The following GON4L variants were observed in gnomAD, a reference collection of about 807,000 sequenced individuals.
The protein encoded by GON4L is gon-4 like.
Under a neutral mutation model 211.8 loss-of-function variants are expected in GON4L, and 87 were observed. That is an observed-to-expected ratio of 0.41 (90% CI 0.35 to 0.49). GON4L has a LOEUF of 0.49. GON4L is among the 20% of genes least tolerant of loss of function. GON4L has a pLI of 0.15. For missense variants in GON4L, 2,155 were observed against 2,659.5 expected, an observed-to-expected ratio of 0.81 and a Z score of 4.17; for synonymous variants, 875 against 962.6, an observed-to-expected ratio of 0.91 and a Z score of 1.68.
chr1:155,805,452 C>A (rs1667042772), intron 10 of GON4L, among the ~76,000 whole-genome samples: 1 of 152,106 alleles, frequency 6.6e-6, no homozygotes, highest in Admixed American at 6.6e-5. Context: ...ACAACCATCA[C>A]CATTATCTAA....
chr1:155,796,356 C>T (rs1666068798), intron 11 of GON4L, among the ~76,000 whole-genome samples: 1 of 151,430 alleles, frequency 6.6e-6, no homozygotes, highest in Non-Finnish European at 1.5e-5. Context: ...TGGCTCACTG[C>T]AAACTCTGCC....
At chr1:155,825,559 AAGACTCTGTCTCAAAAC>A (rs1225676033) in intron 3 of GON4L, among the ~76,000 whole-genome samples, 1 of 140,976 alleles carries the variant, frequency 7.1e-6, no homozygotes, top group East Asian at 2.2e-4. Context: ...GTGACAGAGC[AAGACTCTGTCTCAAAAC>A]AAAAAAAAAA....
intron 3 of GON4L, among the ~76,000 whole-genome samples, chr1:155,824,363 G>C (rs1326076343): frequency 1.3e-5 from 2 of 148,948 alleles, no homozygotes; most frequent in Non-Finnish European, 3.0e-5. Flanking sequence ...GAACCCAGGA[G>C]GAAGCGGTTG....
chr1:155,813,416 G>A (rs1667963344), intron 10 of GON4L, among the ~76,000 whole-genome samples: 1 of 151,760 alleles, frequency 6.6e-6, no homozygotes, highest in Admixed American at 6.6e-5. Flanking sequence ...TGGGTGACAG[G>A]GTGATACCCT....
At chr1:155,843,777 C>T (rs1217399121) in intron 2 of GON4L, among the ~76,000 whole-genome samples, 1 of 152,138 alleles carries the variant, frequency 6.6e-6, no homozygotes, top group African/African-American at 2.4e-5. Context: ...AAAACGAGGG[C>T]TACTCAATCA....
At chr1:155,816,401 G>T in intron 6 of GON4L, 139 bp from the exon 7 acceptor site, 1 of 576,134 alleles carries the variant, frequency 1.7e-6, no homozygotes, top group Non-Finnish European at 3.2e-6. Context: ...TTATCCCTGA[G>T]GGTATACTCT....
At chr1:155,836,197 C>G (rs1670277338) in intron 2 of GON4L, among the ~76,000 whole-genome samples, 1 of 151,584 alleles carries the variant, frequency 6.6e-6, no homozygotes, top group South Asian at 2.1e-4. Flanking sequence ...ATTTGGCCTC[C>G]ACGAAAAGAT....
chr1:155,768,533 C>T (rs995193758), intron 19 of GON4L, among the ~76,000 whole-genome samples: 3 of 151,002 alleles, frequency 2.0e-5, no homozygotes. Context: ...ATGGCATGAA[C>T]CTGGGAGGCG....
chr1:155,752,539 G>T lies in GON4L; in HGVS notation c.5894C>A (p.Thr1965Lys), dbSNP rs775694674. Residue 1965 changes from threonine to lysine, a missense_variant, in exon 30 of 32, where the codon ACA becomes AAA. Physicochemically the swap from Thr to Lys is moderately conservative, Grantham distance 78. This residue lies in a region of GON4L where 455 missense variants were observed against 504.6 expected (regional missense o/e 0.90). Coordinates refer to ENST00000368331, the MANE Select transcript of GON4L (RefSeq NM_001282860.2). ...TLPSPREVTV[T>K]ERLLLDGPPP... ...TGGGCCATCCAGGAGGAGCCGTTCT[G>T]TAACAGTCACTTCTCGAGGGGATGG... 6.2e-7 allele frequency: 1 copy of T among 1,604,036 alleles called. No individual in the cohort carries two copies. Among genetic ancestry groups the T allele is most frequent in the Non-Finnish European group, 8.5e-7 (1 of 1,175,134 alleles).
chr1:155,781,551 G>A (rs186503574), intron 14 of GON4L, among the ~76,000 whole-genome samples: 202 of 151,752 alleles, frequency 1.3e-3, no homozygotes, highest in African/African-American at 4.0e-3. Context: ...CAACTTCTGC[G>A]TCCTGGGTTC....
At chr1:155,749,217 A>C, downstream of GON4L, 1 of 1,426,820 alleles carries the variant, frequency 7.0e-7, no homozygotes, top group Admixed American at 2.0e-5. Flanking sequence ...ACACCATTGC[A>C]CTCCAGTCTG....
At chr1:155,788,406 CT>C (rs1665173805) in intron 12 of GON4L, among the ~76,000 whole-genome samples, 1 of 152,170 alleles carries the variant, frequency 6.6e-6, no homozygotes, top group Non-Finnish European at 1.5e-5. Context: ...TCTTATAAAA[CT>C]AAACATACCC....
At chr1:155,783,685 T>A (rs1571728632) in intron 14 of GON4L, among the ~76,000 whole-genome samples, 1 of 152,184 alleles carries the variant, frequency 6.6e-6, no homozygotes, top group African/African-American at 2.4e-5. Context: ...ATGGGGTAGT[T>A]TGTGTGGCTG....
In GON4L at chr1:155,765,480, T is replaced by A. The variant is rs758467176; in HGVS notation, c.3993A>T (p.Glu1331Asp). The A allele has an allele frequency of 3.2e-5, 52 of 1,614,056 alleles. 1 individual carries two copies. Among genetic ancestry groups the A allele is most frequent in the Non-Finnish European group, 4.1e-5 (48 of 1,180,024 alleles). Residue 1331 changes from glutamate to aspartate, a missense_variant, in exon 21 of 32, where the codon GAA becomes GAT. Glu to Asp is a conservative substitution (Grantham distance 45). Around this residue, in one of 6 missense-constraint regions of GON4L, gnomAD observed 615 missense variants for 625.7 expected, o/e 0.98. Transcript: ENST00000368331. ...GGGATCCACTGATTTCCTCTCTAGC[T>A]TCTTCAGGTTCCATCTTGACAATTT... ...LEEIVKMEPEEAREEISGSPE... is the reference protein window; with the variant it reads ...LEEIVKMEPEDAREEISGSPE...
At chr1:155,797,032 G>A (rs1454324471) in intron 11 of GON4L, among the ~76,000 whole-genome samples, 4 of 152,098 alleles carry the variant, frequency 2.6e-5, no homozygotes, top group South Asian at 2.1e-4. Context: ...ATACATGCTT[G>A]ACTGAACACC....
chr1:155,790,658 A>G (rs1164332472), intron 12 of GON4L, among the ~76,000 whole-genome samples: 1 of 151,728 alleles, frequency 6.6e-6, no homozygotes, highest in African/African-American at 2.4e-5. Context: ...ACACTACTGA[A>G]AGTTTGGCCG....
rs1660806088 is a variant in GON4L at position 155,753,220 on chromosome 1, T to A, written c.5826A>T (p.Gly1942=). The A allele has an allele frequency of 6.2e-7, 1 of 1,600,490 alleles. No individual in the cohort carries two copies. Among genetic ancestry groups the A allele is most frequent in the Non-Finnish European group, 8.5e-7 (1 of 1,173,088 alleles). ...ATCACTCACCTGAAACAGGCATCTCTCCCTTTCTGGTGGTCCTGACAGTCC... is the reference window on the plus strand; with the variant it reads ...ATCACTCACCTGAAACAGGCATCTCACCCTTTCTGGTGGTCCTGACAGTCC... The part of the protein sequence containing the change: ...QSRTVRTTRK[G]EMPVSAGLAV... Residue 1942 remains glycine, a synonymous_variant, in exon 29 of 32, where the codon GGA becomes GGT. Coordinates refer to ENST00000368331, the MANE Select transcript of GON4L (RefSeq NM_001282860.2).
At position 155,793,419 on chromosome 1, in the gene GON4L, C is replaced by G. The variant is rs924879360; in HGVS notation, c.1747+1631G>C. Among the ~76,000 whole-genome samples, 4 of 152,166 alleles carry G rather than the reference C, an allele frequency of 2.6e-5. 1 individual carries two copies. Among genetic ancestry groups the G allele is most frequent in the African/African-American group, 9.7e-5 (4 of 41,448 alleles). On this transcript the variant is annotated intron_variant, in intron 12 of 31. Coordinates refer to ENST00000368331, the MANE Select transcript of GON4L (RefSeq NM_001282860.2). The stretch of plus-strand genomic sequence containing the variant: ...GTATATCTTGGATGTTTATAAAGCT[C>G]TCTGCATAACCTGGTCAAGAGCCAG...
chr1:155,753,794 C>T (rs1224991804), intron 28 of GON4L, among the ~76,000 whole-genome samples: 1 of 152,154 alleles, frequency 6.6e-6, no homozygotes, highest in African/African-American at 2.4e-5. Flanking sequence ...ACACTATAGC[C>T]TCAGACTCCT....
Sources: allele counts gnomAD v4.1 joint callset (sites outside exome capture counted in the v4.1 genomes callset), GRCh38; gene constraint gnomAD v4.1.1; regional missense constraint gnomAD v4.1.1; transcripts MANE v1.5; gene names NCBI Gene and HGNC (gene_info 2026-07-23, HGNC 2026-07-21).